DPP10: variants seen among roughly 807,000 people sequenced by gnomAD.
DPP10 encodes dipeptidyl peptidase like 10.
In DPP10, 33 loss-of-function variants were observed where a neutral mutation model predicts 120.9. The observed-to-expected ratio is 0.27, with a 90% CI of 0.21 to 0.37. DPP10 has a LOEUF of 0.37. DPP10 is among the 10% of genes least tolerant of loss of function. DPP10 has a pLI of 1.00. For missense variants in DPP10, 816 were observed against 942.8 expected, an observed-to-expected ratio of 0.87 and a Z score of 1.76; for synonymous variants, 337 against 326.1, an observed-to-expected ratio of 1.03 and a Z score of -0.36.
chr2:115,730,527 C>T lies in DPP10; in HGVS notation c.697+2591C>T, dbSNP rs2092880015. ...TAACGTCGATGAAGTTTTCAGTCAA[C>T]TGAGGGTATACTCAATGTAGACCAT... On this transcript the variant is annotated intron_variant, in intron 8 of 25. Coordinates refer to ENST00000410059, the MANE Select transcript of DPP10 (RefSeq NM_020868.6). 2.0e-5 allele frequency among the ~76,000 whole-genome samples: 3 copies of T among 152,188 alleles called. No individual in the cohort carries two copies. In the South Asian group the frequency reaches 6.2e-4, roughly 31 times the overall value.
intron 1 of DPP10, among the ~76,000 whole-genome samples, chr2:115,163,833 A>C (rs1382391763): frequency 6.6e-6 from 1 of 152,014 alleles, no homozygotes; most frequent in Non-Finnish European, 1.5e-5. Context: ...AGTGGGATGC[A>C]GAAGCAGAGC....
At chr2:115,710,308 T>C (rs190541018) in intron 7 of DPP10, among the ~76,000 whole-genome samples, 2 of 152,256 alleles carry the variant, frequency 1.3e-5, no homozygotes, top group African/African-American at 4.8e-5. Flanking sequence ...GTATTACTGT[T>C]AAAAGCAAAA....
chr2:114,878,954 AAC>A (rs1691381961), intron 1 of DPP10, among the ~76,000 whole-genome samples: 1 of 152,108 alleles, frequency 6.6e-6, no homozygotes, highest in South Asian at 2.1e-4. Flanking sequence ...CTTTATTTGT[AAC>A]ATATATACCT....
chr2:114,866,672 G>A (rs1468101043), intron 1 of DPP10, among the ~76,000 whole-genome samples: 1 of 152,168 alleles, frequency 6.6e-6, no homozygotes, highest in African/African-American at 2.4e-5. Context: ...TGTTAGAGGT[G>A]AAAAATAAAA....
intron 1 of DPP10, among the ~76,000 whole-genome samples, chr2:115,305,596 G>A (rs2061329119): frequency 6.6e-6 from 1 of 151,954 alleles, no homozygotes; most frequent in South Asian, 2.1e-4. Flanking sequence ...AATTAACTGT[G>A]TGTGATGGCA....
chr2:114,838,204 A>G (rs1044264905), intron 1 of DPP10, among the ~76,000 whole-genome samples: 3 of 152,240 alleles, frequency 2.0e-5, no homozygotes, highest in African/African-American at 7.2e-5. Context: ...AACCTCAAGG[A>G]AAACTGGAGA....
chr2:115,300,692 G>T (rs1177811634), intron 1 of DPP10, among the ~76,000 whole-genome samples: 1 of 151,884 alleles, frequency 6.6e-6, no homozygotes, highest in Admixed American at 6.6e-5. Context: ...CAATTTTGGG[G>T]TCATTTTAAA....
intron 11 of DPP10, among the ~76,000 whole-genome samples, chr2:115,761,430 T>TA (rs1680100739): frequency 2.0e-5 from 3 of 152,120 alleles, no homozygotes; most frequent in Admixed American, 6.6e-5. Context: ...ACCTTATTGA[T>TA]ATTGTATTTT....
At position 114,806,450 on chromosome 2, in the gene DPP10, T is replaced by C. The variant is rs143445658; in HGVS notation, c.60+363612T>C. On this transcript the variant is annotated intron_variant, in intron 1 of 25. Transcript: ENST00000410059. ...TTTCTTACTAAACCATTTTGATTTA[T>C]TCTCAGAAAAAGGAATAAATTGAAC... Among the ~76,000 whole-genome samples the C allele has an allele frequency of 3.0e-4, 46 of 152,340 alleles. No homozygotes were observed. The East Asian group carries it at 8.9e-3, about 29-fold the overall frequency.
rs762060609 is a variant in DPP10, at chr2:115,762,591, A to G, written c.1094A>G (p.Asp365Gly). The G allele has an allele frequency of 1.2e-6, 2 of 1,613,652 alleles. No individual in the cohort carries two copies. Among genetic ancestry groups the G allele is most frequent in the Non-Finnish European group, 1.7e-6 (2 of 1,179,900 alleles). The change falls in exon 12 of 26, where the codon GAT (aspartate) becomes GGT (glycine). Residue 365 changes from aspartate to glycine, a missense_variant. Coordinates refer to ENST00000410059, the MANE Select transcript of DPP10 (RefSeq NM_020868.6). Reference protein sequence around the residue: ...ACSKKYEMTSDTWLSQQNEEP... With the variant: ...ACSKKYEMTSGTWLSQQNEEP... ...TTTCAGAAATATGAGATGACATCAG[A>G]TACGTGGCTCTCTCAGCAGGTACAG... is the stretch of plus-strand genomic sequence containing the variant.
chr2:114,987,821 T>TTTTTTTTTTTTTTTTG (rs1574640391), intron 1 of DPP10, among the ~76,000 whole-genome samples: 1 of 148,080 alleles, frequency 6.8e-6, no homozygotes, highest in African/African-American at 2.5e-5. Flanking sequence ...TTTTTTATTT[T>TTTTTTTTTTTTTTTTG]GAGATGGAGT....
chr2:115,070,884 G>A (rs1260690280), intron 1 of DPP10, among the ~76,000 whole-genome samples: 4 of 152,040 alleles, frequency 2.6e-5, no homozygotes, highest in Non-Finnish European at 5.9e-5. Context: ...ATTGCACTTA[G>A]CCTTCACCTA....
At chr2:114,537,073 A>G (rs1231527885) in intron 1 of DPP10, among the ~76,000 whole-genome samples, 6 of 152,174 alleles carry the variant, frequency 3.9e-5, no homozygotes, top group African/African-American at 1.2e-4. Context: ...TATTGGGTGA[A>G]GGGGCTCTAC....
At chr2:115,603,560 G>GTTTTTTTTTTTTTTT (rs10637786) in intron 5 of DPP10, among the ~76,000 whole-genome samples, 4 of 126,430 alleles carry the variant, frequency 3.2e-5, no homozygotes, top group Non-Finnish European at 6.3e-5. Flanking sequence ...CGTTGTTGTT[G>GTTTTTTTTTTTTTTT]TTTTTTTTTG....
At chr2:114,865,648 C>T (rs187476337) in intron 1 of DPP10, among the ~76,000 whole-genome samples, 3 of 152,140 alleles carry the variant, frequency 2.0e-5, no homozygotes, top group East Asian at 1.9e-4. Flanking sequence ...TTTGGCTGGG[C>T]GTTGTCTTAG....
intron 1 of DPP10, among the ~76,000 whole-genome samples, chr2:114,898,528 G>C (rs1693255398): frequency 6.6e-6 from 1 of 151,848 alleles, no homozygotes; most frequent in Admixed American, 6.6e-5. Flanking sequence ...AAATAAAGGT[G>C]GTAGGAAATA....
intron 1 of DPP10, chr2:114,707,244 T>A (rs1242677695): frequency 6.6e-6 from 1 of 152,142 alleles, no homozygotes; most frequent in Non-Finnish European, 1.5e-5. Context: ...ATACTAAGAA[T>A]GCATTAGTAA....
intron 1 of DPP10, among the ~76,000 whole-genome samples, chr2:114,671,410 A>C (rs550423858): frequency 3.0e-4 from 46 of 152,136 alleles, no homozygotes; most frequent in Non-Finnish European, 5.6e-4. Flanking sequence ...CCGATGTTGG[A>C]GGTGAGGCCA....
intron 1 of DPP10, among the ~76,000 whole-genome samples, chr2:114,973,944 T>C (rs188121677): frequency 2.6e-5 from 4 of 152,104 alleles, no homozygotes; most frequent in Admixed American, 2.6e-4. Flanking sequence ...AGAAAAAAGC[T>C]TAGAGAATAA....
Sources: allele counts gnomAD v4.1 joint callset (sites outside exome capture counted in the v4.1 genomes callset), GRCh38; gene constraint gnomAD v4.1.1; transcripts MANE v1.5; gene names NCBI Gene and HGNC (gene_info 2026-07-23, HGNC 2026-07-21).